The following ALK variants were observed in gnomAD, a reference collection of about 807,000 sequenced individuals.
The protein encoded by ALK is ALK tyrosine kinase receptor.
Under a neutral mutation model 163.1 loss-of-function variants are expected in ALK, and 74 were observed. The ratio of observed to expected loss-of-function variants is 0.45; its 90% CI spans 0.38 to 0.55. The LOEUF is 0.55. Ranked by LOEUF, ALK falls within the 20% of genes least tolerant of loss-of-function variation. The probability of loss-of-function intolerance (pLI) is 0.00; values close to 1 mark genes in which losing one functional copy is unlikely to be tolerated. For missense variants in ALK, 2,063 were observed against 2,105.3 expected (o/e 0.98, Z 0.39); for synonymous variants, 960 against 843.2 (o/e 1.14, Z -2.40).
intron 1 of ALK, among the ~76,000 whole-genome samples, chr2:29,741,035 G>C (rs906813524): frequency 1.3e-5 from 2 of 152,006 alleles, no homozygotes; most frequent in African/African-American, 4.8e-5. Context: ...AAAGAGAAAT[G>C]TATCAAGCCA....
At chr2:29,431,617 C>T (rs527335482) in intron 4 of ALK, among the ~76,000 whole-genome samples, 1 of 152,206 alleles carries the variant, frequency 6.6e-6, no homozygotes, top group Non-Finnish European at 1.5e-5. Flanking sequence ...TATACCATTG[C>T]CACTGCAAGC....
intron 3 of ALK, among the ~76,000 whole-genome samples, chr2:29,630,611 G>T (rs1212638651): frequency 1.3e-5 from 2 of 151,952 alleles, no homozygotes; most frequent in Admixed American, 6.6e-5. Context: ...TTAAAATATT[G>T]TTCTTAAGGG....
At chr2:29,383,911 A>T in intron 4 of ALK, 52 bp from the exon 5 acceptor site, 2 of 1,611,126 alleles carry the variant, frequency 1.2e-6, no homozygotes, top group Non-Finnish European at 1.7e-6. Flanking sequence ...AGATATGAGA[A>T]TTAGGCCTAA....
chr2:29,757,307 C>T (rs959104918), intron 1 of ALK, among the ~76,000 whole-genome samples: 2 of 152,124 alleles, frequency 1.3e-5, no homozygotes, highest in African/African-American at 4.8e-5. Flanking sequence ...CATACTGTTC[C>T]AGGTGCCCTA....
intron 1 of ALK, among the ~76,000 whole-genome samples, chr2:29,739,010 G>A (rs1267626924): frequency 6.6e-6 from 1 of 151,908 alleles, no homozygotes; most frequent in African/African-American, 2.4e-5. Flanking sequence ...GCCAAGGTAG[G>A]AGGATCACTT....
chr2:29,672,115 A>G (rs1262126159), intron 3 of ALK, among the ~76,000 whole-genome samples: 2 of 142,912 alleles, frequency 1.4e-5, no homozygotes, highest in East Asian at 4.1e-4. Flanking sequence ...AGGTTTTTTC[A>G]TACATTTTCT....
intron 4 of ALK, among the ~76,000 whole-genome samples, chr2:29,479,613 G>A (rs895409343): frequency 6.6e-6 from 1 of 152,200 alleles, no homozygotes; most frequent in African/African-American, 2.4e-5. Flanking sequence ...GCAATAAAGT[G>A]TTTGCATTTT....
intron 3 of ALK, among the ~76,000 whole-genome samples, chr2:29,606,792 T>G (rs1381504507): frequency 6.6e-6 from 1 of 152,220 alleles, no homozygotes; most frequent in African/African-American, 2.4e-5. Flanking sequence ...TGTATCTGAC[T>G]CTACAGAAAA....
chr2:29,271,963 C>T (rs1357492224), intron 11 of ALK, among the ~76,000 whole-genome samples: 2 of 152,196 alleles, frequency 1.3e-5, no homozygotes, highest in Non-Finnish European at 2.9e-5. Flanking sequence ...CACAGACAGC[C>T]TCTGAGCTCC....
chr2:29,692,853 T>C (rs1678441859), intron 3 of ALK, among the ~76,000 whole-genome samples: 1 of 152,252 alleles, frequency 6.6e-6, no homozygotes, highest in Non-Finnish European at 1.5e-5. Flanking sequence ...AAATGTTCAA[T>C]GACGGTAGAA....
intron 25 of ALK, among the ~76,000 whole-genome samples, chr2:29,208,548 C>T (rs373620323): frequency 7.9e-5 from 12 of 152,284 alleles, no homozygotes; most frequent in South Asian, 4.1e-4. Context: ...AGGAGTGCGA[C>T]GGATAGCAGT....
chr2:29,832,917 G>A (rs774482451), intron 1 of ALK, among the ~76,000 whole-genome samples: 9 of 152,206 alleles, frequency 5.9e-5, no homozygotes, highest in East Asian at 3.8e-4. Flanking sequence ...CTGAGAAGGC[G>A]GCAGTTGAGC....
In ALK at chr2:29,854,380, C is replaced by T. The variant is rs111991577; in HGVS notation, c.667+65613G>A. ...GTCTCACTGTTAGTTCACACAAGAG[C>T]TGGTTGTTTAAAGGAGCCTGGAACC... On this transcript the variant is annotated intron_variant, in intron 1 of 28. Transcript: ENST00000389048. 5.4e-3 allele frequency among the ~76,000 whole-genome samples: 816 copies of T among 152,168 alleles called. 4 individuals carry two copies. Among genetic ancestry groups the T allele is most frequent in the African/African-American group, 0.019 (779 of 41,520 alleles).
chr2:29,406,698 G>A (rs1422412899), intron 4 of ALK, among the ~76,000 whole-genome samples: 1 of 151,964 alleles, frequency 6.6e-6, no homozygotes, highest in Admixed American at 6.6e-5. Context: ...TCAGGAGATC[G>A]AGACCATCCT....
intron 5 of ALK, among the ~76,000 whole-genome samples, chr2:29,356,669 T>G (rs879710677): frequency 6.6e-6 from 1 of 152,186 alleles, no homozygotes; most frequent in Non-Finnish European, 1.5e-5. Context: ...TGCCTGATTT[T>G]GGGATGGGAG....
intron 3 of ALK, among the ~76,000 whole-genome samples, chr2:29,665,622 A>C (rs1677491652): frequency 6.6e-6 from 1 of 152,036 alleles, no homozygotes; most frequent in Admixed American, 6.6e-5. Flanking sequence ...CCTATGCAGG[A>C]TAGGACACAG....
At chr2:29,640,033 G>A (rs529809956) in intron 3 of ALK, among the ~76,000 whole-genome samples, 1 of 152,286 alleles carries the variant, frequency 6.6e-6, no homozygotes, top group Admixed American at 6.5e-5. Context: ...TGGAGGGGTA[G>A]GGGAGATGCA....
chr2:29,292,317 C>T (rs1036110603), intron 9 of ALK, among the ~76,000 whole-genome samples: 1 of 152,174 alleles, frequency 6.6e-6, no homozygotes, highest in Non-Finnish European at 1.5e-5. Flanking sequence ...AGCATGGCTT[C>T]TGCTCTGTAA....
intron 4 of ALK, among the ~76,000 whole-genome samples, chr2:29,446,526 T>C (rs1416133544): frequency 6.6e-6 from 1 of 152,212 alleles, no homozygotes; most frequent in Non-Finnish European, 1.5e-5. Context: ...TCTCAGACTT[T>C]ACTGTGTCTA....
Sources: allele counts gnomAD v4.1 joint callset (sites outside exome capture counted in the v4.1 genomes callset), GRCh38; gene constraint gnomAD v4.1.1; transcripts MANE v1.5; gene names NCBI Gene and HGNC (gene_info 2026-07-23, HGNC 2026-07-21).